The following DIP2B variants were observed in gnomAD, a reference collection of about 807,000 sequenced individuals.
The protein encoded by DIP2B is DIP2 acetate--CoA ligase B (putative), also known as disco-interacting protein 2 homolog B.
DIP2B carries 76 observed loss-of-function variants against 198.0 expected under a neutral mutation model. The observed-to-expected ratio is 0.38, with a 90% CI of 0.32 to 0.46. The LOEUF is 0.46. Among genes scored for constraint, DIP2B ranks in the 20% least tolerant of loss-of-function variants. The probability of loss-of-function intolerance (pLI) is 0.99; values close to 1 mark genes in which losing one functional copy is unlikely to be tolerated. For missense variants in DIP2B, 1,559 were observed against 1,978.4 expected, an observed-to-expected ratio of 0.79 and a Z score of 4.02; for synonymous variants, 701 against 739.1, an observed-to-expected ratio of 0.95 and a Z score of 0.84.
chr12:50,603,299 T>C (rs779571549), intron 1 of DIP2B, among the ~76,000 whole-genome samples: 109 of 152,196 alleles, frequency 7.2e-4, no homozygotes, highest in Non-Finnish European at 1.3e-3. Context: ...GTGTTGCCTG[T>C]ACTGTGTCCA....
chr12:50,641,321 C>T (rs908977930), intron 3 of DIP2B, among the ~76,000 whole-genome samples: 12 of 152,182 alleles, frequency 7.9e-5, no homozygotes, highest in Non-Finnish European at 1.6e-4. Flanking sequence ...CCCACCACTG[C>T]ACTCCAGCCT....
chr12:50,737,821 CA>C (rs1454193378), intron 35 of DIP2B, among the ~76,000 whole-genome samples: 1 of 152,050 alleles, frequency 6.6e-6, no homozygotes, highest in African/African-American at 2.4e-5. Context: ...CTCATGAGTT[CA>C]GGTGATCCGC....
At chr12:50,682,649 A>AG in intron 9 of DIP2B, among the ~76,000 whole-genome samples, 1 of 151,412 alleles carries the variant, frequency 6.6e-6, no homozygotes, top group Non-Finnish European at 1.5e-5. Context: ...AAAAAAAAAA[A>AG]AAAAGAGTAG....
At position 50,545,436 on chromosome 12, in the gene DIP2B, C is replaced by T. The variant is rs185139030; in HGVS notation, c.100+40196C>T. On this transcript the variant is annotated intron_variant, in intron 1 of 37. Coordinates refer to ENST00000301180, the MANE Select transcript of DIP2B (RefSeq NM_173602.3). Reference sequence around the variant, plus strand: ...TGTCACCCAGCCTAGAGTGCAGTGGCGCCATCACAGCTCACTACAGCCTTG... The same window carrying T: ...TGTCACCCAGCCTAGAGTGCAGTGGTGCCATCACAGCTCACTACAGCCTTG... Among the ~76,000 whole-genome samples, 469 of 147,982 alleles carry T rather than the reference C, an allele frequency of 3.2e-3. 2 individuals are homozygous for T. Among genetic ancestry groups the T allele is most frequent in the African/African-American group, 0.011 (450 of 40,024 alleles).
chr12:50,595,504 C>T (rs1465567187), intron 1 of DIP2B, among the ~76,000 whole-genome samples: 2 of 152,040 alleles, frequency 1.3e-5, no homozygotes, highest in Non-Finnish European at 2.9e-5. Context: ...GGTGTTTCAC[C>T]ATGTTGCCCA....
At chr12:50,571,202 T>G (rs972853272) in intron 1 of DIP2B, among the ~76,000 whole-genome samples, 1 of 150,766 alleles carries the variant, frequency 6.6e-6, no homozygotes, top group Admixed American at 6.6e-5. Flanking sequence ...GATGGAGTCT[T>G]ACTCTGTCAC....
Position 50,697,137 on chromosome 12 carries a change from C to G in DIP2B, c.2010C>G (p.Cys670Trp). The G allele has an allele frequency of 3.1e-6, 5 of 1,614,052 alleles. No individual in the cohort carries two copies. Among genetic ancestry groups the G allele is most frequent in the Non-Finnish European group, 4.2e-6 (5 of 1,179,966 alleles). Residue 670 changes from cysteine (C) to tryptophan (W), a missense_variant, in exon 17 of 38, where the codon TGC becomes TGG. Transcript: ENST00000301180. ...TGAAGCCTGAGGCCATCTGTCCGTG[C>G]GCCACGTCTGCTGAAGCCATGACTG... is the stretch of plus-strand genomic sequence containing the variant. ...HGLKPEAICPCATSAEAMTVA... is the reference protein window; with the variant it reads ...HGLKPEAICPWATSAEAMTVA...
chr12:50,641,206 A>T (rs894317195), intron 3 of DIP2B, among the ~76,000 whole-genome samples: 1 of 152,070 alleles, frequency 6.6e-6, no homozygotes, highest in Non-Finnish European at 1.5e-5. Flanking sequence ...AAAATACAAA[A>T]ATTAGCTGGG....
At chr12:50,708,195 A>G (rs1012455501) in intron 21 of DIP2B, among the ~76,000 whole-genome samples, 2 of 152,182 alleles carry the variant, frequency 1.3e-5, no homozygotes, top group African/African-American at 2.4e-5. Flanking sequence ...TCTCTAACAT[A>G]TAAGTGCCAC....
chr12:50,685,221 T>C (rs1273864417), intron 10 of DIP2B, among the ~76,000 whole-genome samples: 1 of 152,234 alleles, frequency 6.6e-6, no homozygotes, highest in Non-Finnish European at 1.5e-5. Flanking sequence ...TCTTAAATTA[T>C]TAAGTTGGCA....
Position 50,675,250 on chromosome 12 carries a change from A to T in DIP2B, c.797-79A>T, listed in dbSNP as rs1938926374. 3 of 1,529,540 alleles carry T rather than the reference A, an allele frequency of 2.0e-6. No individual in the cohort carries two copies. The East Asian group carries it at 6.8e-5, about 35-fold the overall frequency. The allele number at this position is 1,529,540 out of a possible 1,614,324, so 94.7% of individuals were successfully genotyped here. On this transcript the variant is annotated intron_variant, in intron 6 of 37. Transcript: ENST00000301180. ...ACAAACGCCAAACATCCTTAGAAAT[A>T]AAAGCTCCTGAGGGAACTGAGGAAC...
chr12:50,535,153 G>T (rs1167308744), intron 1 of DIP2B, among the ~76,000 whole-genome samples: 1 of 152,112 alleles, frequency 6.6e-6, no homozygotes, highest in Non-Finnish European at 1.5e-5. Context: ...ACTCACCTGA[G>T]CCCAGGAGGT....
intron 10 of DIP2B, among the ~76,000 whole-genome samples, chr12:50,684,270 C>T (rs1939094649): frequency 6.6e-6 from 1 of 152,100 alleles, no homozygotes; most frequent in Admixed American, 6.5e-5. Context: ...TATCATATGA[C>T]CTAGGATTTC....
chr12:50,714,362 TCTCA>T (rs752508247), intron 22 of DIP2B, 29 bp from the exon 23 acceptor site: 14 of 1,611,862 alleles, frequency 8.7e-6, no homozygotes, highest in Non-Finnish European at 1.2e-5. Flanking sequence ...ATAGAAGTGA[TCTCA>T]CTGAGTATTT....
At chr12:50,584,987 C>G (rs1217151584) in intron 1 of DIP2B, among the ~76,000 whole-genome samples, 3 of 152,120 alleles carry the variant, frequency 2.0e-5, no homozygotes, top group South Asian at 4.1e-4. Context: ...ACCTTTTTTC[C>G]TGTCCCTCAT....
chr12:50,672,667 G>A (rs1028666318), intron 5 of DIP2B, among the ~76,000 whole-genome samples: 2 of 152,076 alleles, frequency 1.3e-5, no homozygotes, highest in Non-Finnish European at 2.9e-5. Context: ...GTTGTAACAG[G>A]AGTAATTCAT....
intron 3 of DIP2B, among the ~76,000 whole-genome samples, chr12:50,656,301 C>T (rs1938553084): frequency 6.6e-6 from 1 of 152,160 alleles, no homozygotes; most frequent in Non-Finnish European, 1.5e-5. Flanking sequence ...CTAAAAGGAG[C>T]CACTTTTCCT....
intron 3 of DIP2B, among the ~76,000 whole-genome samples, chr12:50,644,286 T>C (rs1424588761): frequency 6.6e-6 from 1 of 152,176 alleles, no homozygotes; most frequent in Non-Finnish European, 1.5e-5. Context: ...GTCTCAAATG[T>C]AGAAAACACA....
At position 50,619,726 on chromosome 12, in the gene DIP2B, T is replaced by C. The variant is rs547612973; in HGVS notation, c.101-6250T>C. 4.6e-5 allele frequency among the ~76,000 whole-genome samples: 7 copies of C among 152,270 alleles called. No individual in the cohort carries two copies. In the South Asian group the frequency reaches 1.2e-3, roughly 27 times the overall value. ...ATATTTTAAATCACAATGAAAACTT[T>C]GCAAGGGAGAGACTGTTCCCCATTT... On this transcript the variant is annotated intron_variant, in intron 1 of 37. Coordinates refer to ENST00000301180, the MANE Select transcript of DIP2B (RefSeq NM_173602.3).
Sources: allele counts gnomAD v4.1 joint callset (sites outside exome capture counted in the v4.1 genomes callset), GRCh38; gene constraint gnomAD v4.1.1; transcripts MANE v1.5; gene names NCBI Gene and HGNC (gene_info 2026-07-23, HGNC 2026-07-21).